The following RBBP8 variants were observed in gnomAD, a reference collection of about 807,000 sequenced individuals.
The protein encoded by RBBP8 is DNA endonuclease RBBP8.
A neutral mutation model predicts 108.3 loss-of-function variants in RBBP8; 88 were observed. That is an observed-to-expected ratio of 0.81 (90% CI 0.68 to 0.97). The LOEUF (loss-of-function observed/expected upper bound fraction) is 0.97. Among genes scored for constraint, RBBP8 ranks in the 50% least tolerant of loss-of-function variants. The pLI is 0.00. For missense variants in RBBP8, 1,023 were observed against 1,049.0 expected, an observed-to-expected ratio of 0.98 and a Z score of 0.34; for synonymous variants, 332 against 348.2, an observed-to-expected ratio of 0.95 and a Z score of 0.52.
At chr18:23,000,337 T>C (rs901621555) in intron 14 of RBBP8, among the ~76,000 whole-genome samples, 1 of 152,202 alleles carries the variant, frequency 6.6e-6, no homozygotes, top group Non-Finnish European at 1.5e-5. Flanking sequence ...AGATGAATTT[T>C]TCATTTTCCG....
At chr18:22,934,811 ATCCCTGACATAGCCATG>A (rs1372234695) in intron 1 of RBBP8, 2 of 151,790 alleles carry the variant, frequency 1.3e-5, no homozygotes, top group African/African-American at 2.4e-5. Flanking sequence ...CTTGATTTCC[ATCCCTGACATAGCCATG>A]TCCCAGCTGT....
chr18:22,973,718 T>G (rs898441065), intron 5 of RBBP8, among the ~76,000 whole-genome samples: 4 of 152,210 alleles, frequency 2.6e-5, no homozygotes, highest in African/African-American at 9.6e-5. Flanking sequence ...TTCTACCGTT[T>G]ATTATACCCA....
intron 16 of RBBP8, among the ~76,000 whole-genome samples, chr18:23,015,054 T>G (rs1273285434): frequency 1.3e-5 from 2 of 152,048 alleles, no homozygotes; most frequent in Non-Finnish European, 2.9e-5. Context: ...GCCAGCTAAT[T>G]TTTTATTTTT....
chr18:23,015,008 C>T (rs1190628340), intron 16 of RBBP8, among the ~76,000 whole-genome samples: 3 of 152,124 alleles, frequency 2.0e-5, no homozygotes, highest in Admixed American at 6.5e-5. Flanking sequence ...ACCTCAGCCT[C>T]CTGAGTACCT....
chr18:23,014,628 G>T (rs2046226410), intron 16 of RBBP8, among the ~76,000 whole-genome samples: 1 of 152,230 alleles, frequency 6.6e-6, no homozygotes, highest in Non-Finnish European at 1.5e-5. Flanking sequence ...GCAAGAACCT[G>T]TCTTAAAACA....
At chr18:23,019,298 C>T (rs73966427) in intron 17 of RBBP8, among the ~76,000 whole-genome samples, 7,089 of 152,186 alleles carry the variant, frequency 0.047, 191 homozygotes, top group African/African-American at 0.077. Flanking sequence ...AATCATTTCC[C>T]GTGCTTTCTG....
chr18:23,017,741 C>CTTTT lies in RBBP8; in HGVS notation c.2454+837_2454+840dup, dbSNP rs928545363. On this transcript the variant is annotated intron_variant, in intron 17 of 18. Transcript: ENST00000327155. Reference sequence around the variant, plus strand: ...AAAATAATTGGTACCAATATAAGTTCTTTTTTTTTTTTTTTTTTTTTTTGA... The same window carrying CTTTT: ...AAAATAATTGGTACCAATATAAGTTCTTTTTTTTTTTTTTTTTTTTTTTTTTTGA... Among the ~76,000 whole-genome samples, 248 of 89,188 alleles carry CTTTT rather than the reference C, an allele frequency of 2.8e-3. 11 individuals carry two copies. Among genetic ancestry groups the CTTTT allele is most frequent in the Middle Eastern group, 0.013 (1 of 80 alleles). 58.5% of individuals were successfully genotyped at this position (89,188 alleles called of 152,430 possible). A position where few individuals can be genotyped will look rare whatever the true frequency, so the allele number is the denominator to read the frequency against.
At chr18:22,919,932 G>C (rs969456240) in intron 3 of RBBP8, among the ~76,000 whole-genome samples, 1 of 152,052 alleles carries the variant, frequency 6.6e-6, no homozygotes, top group Non-Finnish European at 1.5e-5. Flanking sequence ...ATTAAAATTA[G>C]TATTTAATTT....
At position 22,978,055 on chromosome 18, in the gene RBBP8, C is replaced by A. The variant is rs1914616125; in HGVS notation, c.428+2836C>A. 2.0e-5 allele frequency among the ~76,000 whole-genome samples: 3 copies of A among 152,114 alleles called. No homozygotes were observed. In the South Asian group the frequency reaches 6.2e-4, roughly 32 times the overall value. ...AGCCTGATCAGTGGAGCAGTACTGCCACCTCCCCTACAATGGCTATAATGT... is the reference window on the plus strand; with the variant it reads ...AGCCTGATCAGTGGAGCAGTACTGCAACCTCCCCTACAATGGCTATAATGT... On this transcript the variant is annotated intron_variant, in intron 6 of 18. Coordinates refer to ENST00000327155, the MANE Select transcript of RBBP8 (RefSeq NM_002894.3).
chr18:22,997,239 C>T (rs1243298998), intron 13 of RBBP8, among the ~76,000 whole-genome samples: 1 of 152,104 alleles, frequency 6.6e-6, no homozygotes, highest in Non-Finnish European at 1.5e-5. Context: ...ATTTAACATA[C>T]GCTGAGTAAT....
At chr18:22,926,802 A>G (rs1210091616) in intron 3 of RBBP8, among the ~76,000 whole-genome samples, 1 of 152,146 alleles carries the variant, frequency 6.6e-6, no homozygotes, top group Non-Finnish European at 1.5e-5. Context: ...AGCAAGGTAT[A>G]CTCTTTAATG....
chr18:23,016,816 T>C lies in RBBP8; in HGVS notation c.2358-12T>C. ...CTCTAAGCTTTGTTAATTTAATTCA[T>C]TTTTCCCCCAGAGAGACTAGCTTGC... On this transcript the variant is annotated splice_polypyrimidine_tract_variant and intron_variant, in intron 16 of 18. Coordinates refer to ENST00000327155, the MANE Select transcript of RBBP8 (RefSeq NM_002894.3). The C allele has an allele frequency of 6.4e-7, 1 of 1,567,346 alleles. No individual in the cohort carries two copies.
chr18:22,964,929 A>G (rs1006838827), intron 4 of RBBP8, among the ~76,000 whole-genome samples: 3 of 152,154 alleles, frequency 2.0e-5, no homozygotes, highest in Non-Finnish European at 4.4e-5. Flanking sequence ...CATTGTAGAT[A>G]GGTTCTTGGA....
chr18:22,943,903 C>A (rs1420696174), intron 2 of RBBP8, among the ~76,000 whole-genome samples: 2 of 152,112 alleles, frequency 1.3e-5, no homozygotes, highest in African/African-American at 4.8e-5. Flanking sequence ...AATATACAGG[C>A]CCTTGATTGT....
chr18:23,001,461 G>A (rs989503192), intron 14 of RBBP8, 125 bp from the exon 15 acceptor site: 23 of 1,086,978 alleles, frequency 2.1e-5, no homozygotes, highest in Middle Eastern at 2.9e-4. Flanking sequence ...TTTAACAACC[G>A]TATTTTAAGA....
At chr18:22,962,317 A>G (rs889106142) in intron 4 of RBBP8, among the ~76,000 whole-genome samples, 2 of 151,922 alleles carry the variant, frequency 1.3e-5, no homozygotes, top group Admixed American at 1.3e-4. Flanking sequence ...TAGTCCAGGC[A>G]CTTTTCAACT....
chr18:22,993,692 T>A, intron 11 of RBBP8, 29 bp from the exon 12 acceptor site: 1 of 1,614,220 alleles, frequency 6.2e-7, no homozygotes, highest in Non-Finnish European at 8.5e-7. Flanking sequence ...TGTGATTTCA[T>A]TTAGAGCTAA....
Position 23,016,921 on chromosome 18 carries a change from A to G in RBBP8, c.2451A>G (p.Glu817=), listed in dbSNP as rs779929532. The change falls in exon 17 of 19, where the codon GAA becomes GAG. Residue 817 remains glutamate (E), a synonymous_variant. Transcript: ENST00000327155. ...KLLGHTCKEC[E]IYYADMPAEE... ...TTGGGCACACGTGTAAGGAATGTGA[A>G]ATTGTAAGTACTAATGTAGATACTA... The G allele has an allele frequency of 1.2e-6, 2 of 1,606,830 alleles. No homozygotes were observed. Among genetic ancestry groups the G allele is most frequent in the Non-Finnish European group, 1.7e-6 (2 of 1,173,590 alleles).
intron 15 of RBBP8, among the ~76,000 whole-genome samples, chr18:23,005,503 C>A (rs1043622339): frequency 2.0e-5 from 3 of 152,104 alleles, no homozygotes; most frequent in African/African-American, 7.2e-5. Flanking sequence ...ACCTCCAACT[C>A]CCTGGTTCAA....
Sources: gnomAD v4.1 joint callset for allele counts (sites outside exome capture counted in the v4.1 genomes callset) on GRCh38, gnomAD v4.1.1 for gene constraint, MANE v1.5 for transcripts, NCBI Gene and HGNC (gene_info 2026-07-23, HGNC 2026-07-21) for gene names.